RGS7: variants seen among roughly 807,000 people sequenced by gnomAD.
The protein encoded by RGS7 is regulator of G protein signaling 7.
In RGS7, 27 loss-of-function variants were observed where a neutral mutation model predicts 81.1. The observed-to-expected ratio is 0.33, with a 90% CI of 0.25 to 0.46. The LOEUF (loss-of-function observed/expected upper bound fraction) is 0.46. Ranked by LOEUF, RGS7 falls within the 20% of genes least tolerant of loss-of-function variation. RGS7 has a pLI of 1.00. For missense variants in RGS7, 396 were observed against 607.4 expected, an observed-to-expected ratio of 0.65 and a Z score of 3.66; for synonymous variants, 208 against 207.7, an observed-to-expected ratio of 1.00 and a Z score of -0.01.
chr1:241,337,309 G>A (rs1362891167), intron 2 of RGS7, among the ~76,000 whole-genome samples: 4 of 151,808 alleles, frequency 2.6e-5, no homozygotes, highest in African/African-American at 4.8e-5. Flanking sequence ...TGACTCAAAC[G>A]GCCTCTCCAG....
In RGS7 at chr1:240,800,675, G is replaced by A. The variant is rs1388648765; in HGVS notation, c.1460C>T (p.Thr487Ile). ...TAACAGGTTAGTGCTGGCCCTCAGT[G>A]TTGGTGTACAGTTTTTATGGCATGG... ...IFPCHKNCTP[T>I]LRASTNLL The change falls in exon 18 of 19, where the codon ACA becomes ATA. Residue 487 changes from threonine (T) to isoleucine (I), a missense_variant. Thr to Ile is a moderately conservative substitution (Grantham distance 89). Transcript: ENST00000440928. 9 of 1,547,726 alleles carry A rather than the reference G, an allele frequency of 5.8e-6. No homozygotes were observed. The highest frequency in any genetic ancestry group is 1.4e-5 in the African/African-American group (1 of 72,868).
intron 3 of RGS7, among the ~76,000 whole-genome samples, chr1:241,063,831 A>G (rs1284641769): frequency 2.6e-5 from 4 of 152,128 alleles, no homozygotes; most frequent in Non-Finnish European, 5.9e-5. Flanking sequence ...AGTAAAATTT[A>G]CCTGTATTGA....
intron 3 of RGS7, among the ~76,000 whole-genome samples, chr1:241,068,660 G>A (rs1269666273): frequency 6.6e-6 from 1 of 152,026 alleles, no homozygotes; most frequent in Non-Finnish European, 1.5e-5. Context: ...CTTTTCTCGA[G>A]ACAGACTTGG....
At chr1:241,222,501 T>C (rs2075070461) in intron 2 of RGS7, among the ~76,000 whole-genome samples, 1 of 152,184 alleles carries the variant, frequency 6.6e-6, no homozygotes, top group Admixed American at 6.5e-5. Flanking sequence ...AAGAGGGTTC[T>C]GTTGGTGAAA....
intron 2 of RGS7, among the ~76,000 whole-genome samples, chr1:241,296,751 GAC>G (rs1335576833): frequency 6.6e-6 from 1 of 152,214 alleles, no homozygotes; most frequent in Non-Finnish European, 1.5e-5. Flanking sequence ...TGCTGTGTGG[GAC>G]TCAGTCTGGC....
rs2068186474 is a variant in RGS7 at position 241,144,844 on chromosome 1, T to C, written c.79-46082A>G. 6.6e-6 allele frequency among the ~76,000 whole-genome samples: 1 copy of C among 152,094 alleles called. No individual in the cohort carries two copies. Among genetic ancestry groups the C allele is most frequent in the Non-Finnish European group, 1.5e-5 (1 of 68,024 alleles). ...GAAGATCATTTCTCCTCTTTCATTT[T>C]CTTGCTGCCTTTTCTTTCTTAAAAT... On this transcript the variant is annotated intron_variant, in intron 2 of 18. Coordinates refer to ENST00000440928, the MANE Select transcript of RGS7 (RefSeq NM_001364886.1). The surrounding 1 kb of genome is among the most constrained non-coding windows in gnomAD (Gnocchi z 4.7).
chr1:241,280,806 G>T (rs1213822125), intron 2 of RGS7, among the ~76,000 whole-genome samples: 1 of 152,210 alleles, frequency 6.6e-6, no homozygotes, highest in Admixed American at 6.5e-5. Flanking sequence ...CACCTGGCAT[G>T]TGTGCAAGAC....
intron 2 of RGS7, among the ~76,000 whole-genome samples, chr1:241,276,909 AAG>A (rs1007744026): frequency 6.6e-6 from 1 of 152,180 alleles, no homozygotes; most frequent in African/African-American, 2.4e-5. Context: ...TTAAAAATAA[AAG>A]AGAGAGAGAA....
intron 2 of RGS7, among the ~76,000 whole-genome samples, chr1:241,269,916 G>A (rs1464229528): frequency 6.6e-6 from 1 of 152,138 alleles, no homozygotes; most frequent in Non-Finnish European, 1.5e-5. Flanking sequence ...CAAACATAGG[G>A]CATTATGAGG....
chr1:241,208,764 GCAAA>G (rs775439437), intron 2 of RGS7, among the ~76,000 whole-genome samples: 5 of 152,048 alleles, frequency 3.3e-5, no homozygotes, highest in Admixed American at 6.6e-5. Flanking sequence ...ACGTGGTCTG[GCAAA>G]CAAAGAGATT....
chr1:240,816,475 T>A, intron 10 of RGS7, 60 bp from the exon 11 acceptor site: 1 of 1,102,006 alleles, frequency 9.1e-7, no homozygotes, highest in Non-Finnish European at 1.4e-6. Flanking sequence ...TCACAGACTT[T>A]CTAAAAAGTA....
rs181732227 is a variant in RGS7, at chr1:240,858,135, A to C, written c.609+10452T>G. Among the ~76,000 whole-genome samples, 127 of 152,340 alleles carry C rather than the reference A, an allele frequency of 8.3e-4. 1 individual carries two copies. The highest frequency in any genetic ancestry group is 1.4e-3 in the Non-Finnish European group (96 of 68,032). ...ACCTTCCATTGTATGAATATACCAT[A>C]GTTATTTTTTGAAGGACATCTTGAT... On this transcript the variant is annotated intron_variant, in intron 9 of 18. Coordinates refer to ENST00000440928, the MANE Select transcript of RGS7 (RefSeq NM_001364886.1).
intron 3 of RGS7, among the ~76,000 whole-genome samples, chr1:240,996,689 G>T (rs893900916): frequency 4.6e-5 from 7 of 151,988 alleles, no homozygotes; most frequent in South Asian, 2.1e-4. Flanking sequence ...TGACTATGTT[G>T]TTATATTTGA....
At chr1:241,085,251 G>A (rs369345936) in intron 3 of RGS7, among the ~76,000 whole-genome samples, 1 of 152,166 alleles carries the variant, frequency 6.6e-6, no homozygotes, top group African/African-American at 2.4e-5. Context: ...TCAAGAACAC[G>A]AGAACATTTT....
At chr1:241,151,642 C>T (rs2068765437) in intron 2 of RGS7, among the ~76,000 whole-genome samples, 2 of 142,002 alleles carry the variant, frequency 1.4e-5, no homozygotes, top group African/African-American at 5.3e-5. Context: ...CATAGGTATA[C>T]ACATGCCATG....
intron 2 of RGS7, among the ~76,000 whole-genome samples, chr1:241,301,731 A>G (rs2079772759): frequency 6.6e-6 from 1 of 152,232 alleles, no homozygotes; most frequent in South Asian, 2.1e-4. Flanking sequence ...ATTTTAAGAT[A>G]CTTACAATAG....
intron 3 of RGS7, among the ~76,000 whole-genome samples, chr1:241,097,813 G>A (rs898141164): frequency 4.6e-5 from 7 of 152,126 alleles, no homozygotes; most frequent in Non-Finnish European, 8.8e-5. Context: ...AATCAAACCC[G>A]CGGGGGTTCC....
intron 3 of RGS7, among the ~76,000 whole-genome samples, chr1:241,087,863 C>T (rs1424247473): frequency 6.6e-6 from 1 of 151,516 alleles, no homozygotes; most frequent in Admixed American, 6.6e-5. Context: ...GCAGGAGAAT[C>T]GCTTGAACCC....
At chr1:241,261,628 CAAA>C (rs35082766) in intron 2 of RGS7, among the ~76,000 whole-genome samples, 6 of 61,754 alleles carry the variant, frequency 9.7e-5, no homozygotes, top group Admixed American at 1.8e-4. Flanking sequence ...GACTCTGTCT[CAAA>C]AAAAAAAAAA....
Sources: gnomAD v4.1 joint callset for allele counts (sites outside exome capture counted in the v4.1 genomes callset) on GRCh38, gnomAD v4.1.1 for gene constraint, Gnocchi (gnomAD v3.1) non-coding constraint, MANE v1.5 for transcripts, NCBI Gene and HGNC (gene_info 2026-07-23, HGNC 2026-07-21) for gene names.